CXCL13: variants seen among roughly 807,000 people sequenced by gnomAD.
The protein encoded by CXCL13 is C-X-C motif chemokine 13.
Under a neutral mutation model 12.2 loss-of-function variants are expected in CXCL13, and 7 were observed. The ratio of observed to expected loss-of-function variants is 0.57; its 90% CI spans 0.33 to 1.07. CXCL13 has a LOEUF of 1.07. Among genes scored for constraint, CXCL13 ranks in the 50% least tolerant of loss-of-function variants. The pLI is 0.04. For missense variants in CXCL13, 113 were observed against 127.4 expected (o/e 0.89, Z 0.55); for synonymous variants, 47 against 42.4 (o/e 1.11, Z -0.42).
At chr4:77,515,048 A>G (rs2110077063) in intron 1 of CXCL13, among the ~76,000 whole-genome samples, 1 of 152,236 alleles carries the variant, frequency 6.6e-6, no homozygotes, top group East Asian at 1.9e-4. Context: ...TCCCAGCACC[A>G]TTTATTAAAT....
intron 2 of CXCL13, among the ~76,000 whole-genome samples, chr4:77,608,840 G>T (rs879618160): frequency 6.6e-6 from 1 of 152,162 alleles, no homozygotes; most frequent in African/African-American, 2.4e-5. Flanking sequence ...AGTTCCCCTG[G>T]CTGTTTAGAA....
chr4:77,595,216 C>T (rs1259248742), intron 1 of CXCL13, among the ~76,000 whole-genome samples: 3 of 151,312 alleles, frequency 2.0e-5, no homozygotes, highest in Non-Finnish European at 4.4e-5. Context: ...TTTGAGTTAT[C>T]TTCTAAGACC....
chr4:77,596,560 G>A (rs973273939), intron 1 of CXCL13, among the ~76,000 whole-genome samples: 2 of 152,126 alleles, frequency 1.3e-5, no homozygotes, highest in African/African-American at 4.8e-5. Flanking sequence ...TGAGGTGGGC[G>A]AATCACCTGA....
chr4:77,597,317 C>T (rs964061595), intron 1 of CXCL13, among the ~76,000 whole-genome samples: 1 of 151,796 alleles, frequency 6.6e-6, no homozygotes, highest in Non-Finnish European at 1.5e-5. Flanking sequence ...AGGTTTTCCC[C>T]TGGGGGCAAA....
At chr4:77,551,880 G>C (rs1469325776) in intron 1 of CXCL13, among the ~76,000 whole-genome samples, 1 of 152,060 alleles carries the variant, frequency 6.6e-6, no homozygotes, top group East Asian at 1.9e-4. Context: ...CCAGTCTATT[G>C]CTAAAGCTTT....
At position 77,520,645 on chromosome 4, in the gene CXCL13, A is replaced by G. The variant is rs146239031; in HGVS notation, c.-43+8857A>G. 2.5e-3 allele frequency among the ~76,000 whole-genome samples: 376 copies of G among 152,336 alleles called. 2 individuals are homozygous for G. The highest frequency in any genetic ancestry group is 8.3e-3 in the African/African-American group (347 of 41,568). Reference sequence around the variant, plus strand: ...GACAATGGGGTTTTCTAAATATACAATCATATCATCCTCAAACAGGGACAA... The same window carrying G: ...GACAATGGGGTTTTCTAAATATACAGTCATATCATCCTCAAACAGGGACAA... On this transcript the variant is annotated intron_variant, in intron 1 of 4. Transcript: ENST00000286758.
chr4:77,610,776 A>G, intron 3 of CXCL13, 82 bp downstream of exon 3: 3 of 1,090,018 alleles, frequency 2.8e-6, no homozygotes, highest in Non-Finnish European at 4.2e-6. Flanking sequence ...AATAGGGACT[A>G]GCTTGAATTT....
chr4:77,517,538 A>T (rs1404451739), intron 1 of CXCL13, among the ~76,000 whole-genome samples: 1 of 152,210 alleles, frequency 6.6e-6, no homozygotes, highest in Non-Finnish European at 1.5e-5. Context: ...TTCTTGTTGA[A>T]TTGATCCCTT....
chr4:77,608,595 A>G (rs1727063775), intron 2 of CXCL13, among the ~76,000 whole-genome samples: 1 of 152,132 alleles, frequency 6.6e-6, no homozygotes. Flanking sequence ...GGCTTTTCCC[A>G]TGGACTTCTT....
At chr4:77,606,447 T>A (rs1727005460) in intron 1 of CXCL13, among the ~76,000 whole-genome samples, 1 of 152,232 alleles carries the variant, frequency 6.6e-6, no homozygotes, top group African/African-American at 2.4e-5. Context: ...GGGGCAGCTA[T>A]CTTTGTGTCA....
chr4:77,581,640 T>A (rs557030850), intron 1 of CXCL13, among the ~76,000 whole-genome samples: 1 of 152,302 alleles, frequency 6.6e-6, no homozygotes, highest in South Asian at 2.1e-4. Context: ...AACAAATACG[T>A]ATTGAGTATG....
At chr4:77,528,679 C>A (rs1392855120) in intron 1 of CXCL13, among the ~76,000 whole-genome samples, 2 of 152,082 alleles carry the variant, frequency 1.3e-5, no homozygotes, top group African/African-American at 4.8e-5. Flanking sequence ...TGGATGTTAG[C>A]CCTTTGTCAG....
chr4:77,572,897 T>C lies in CXCL13; in HGVS notation c.-42-32927T>C, dbSNP rs186101216. Among the ~76,000 whole-genome samples, 86 of 151,250 alleles carry C rather than the reference T, an allele frequency of 5.7e-4. 1 individual carries two copies. The highest frequency in any genetic ancestry group is 3.9e-4 in the Admixed American group (6 of 15,268). Reference sequence around the variant, plus strand: ...GGTAAATATACACCATGGAATACTATGCAGCCATAAAAAAGAATGAGAACA... The same window carrying C: ...GGTAAATATACACCATGGAATACTACGCAGCCATAAAAAAGAATGAGAACA... On this transcript the variant is annotated intron_variant, in intron 1 of 4. Coordinates refer to the CXCL13 transcript ENST00000286758.
intron 1 of CXCL13, among the ~76,000 whole-genome samples, chr4:77,566,366 T>A (rs1725924023): frequency 6.6e-6 from 1 of 152,180 alleles, no homozygotes; most frequent in South Asian, 2.1e-4. Context: ...TGCACAAAAC[T>A]TTGACTTGCT....
chr4:77,588,860 A>G (rs1726542801), intron 1 of CXCL13, among the ~76,000 whole-genome samples: 2 of 152,162 alleles, frequency 1.3e-5, no homozygotes, highest in Non-Finnish European at 1.5e-5. Flanking sequence ...AAACCACTAC[A>G]TGTAGTAATG....
intron 2 of CXCL13, among the ~76,000 whole-genome samples, chr4:77,608,580 T>C (rs1213874877): frequency 6.6e-6 from 1 of 152,220 alleles, no homozygotes; most frequent in Non-Finnish European, 1.5e-5. Flanking sequence ...TTGGCATTCA[T>C]GAGTGGCTTT....
chr4:77,600,205 C>A (rs915432430), intron 1 of CXCL13, among the ~76,000 whole-genome samples: 7 of 151,654 alleles, frequency 4.6e-5, no homozygotes, highest in Admixed American at 3.3e-4. Context: ...TGTGAGAGGA[C>A]TTACATGTAA....
chr4:77,562,556 T>C (rs1725839957), intron 1 of CXCL13, among the ~76,000 whole-genome samples: 1 of 152,032 alleles, frequency 6.6e-6, no homozygotes, highest in African/African-American at 2.4e-5. Flanking sequence ...AACTTTTATT[T>C]CTAGCTAAGG....
intron 1 of CXCL13, among the ~76,000 whole-genome samples, chr4:77,551,817 A>G (rs1725529539): frequency 6.6e-6 from 1 of 152,036 alleles, no homozygotes; most frequent in African/African-American, 2.4e-5. Flanking sequence ...TGTCTTACTG[A>G]GTTAGTTCAA....
Sources: allele counts gnomAD v4.1 joint callset (sites outside exome capture counted in the v4.1 genomes callset), GRCh38; gene constraint gnomAD v4.1.1; transcripts MANE v1.5; gene names NCBI Gene and HGNC (gene_info 2026-07-23, HGNC 2026-07-21).